Variants in LRRC3B observed in about 807,000 individuals in gnomAD.
LRRC3B encodes the protein leucine-rich repeat-containing protein 3B.
A neutral mutation model predicts 12.8 loss-of-function variants in LRRC3B; 2 were observed. The ratio of observed to expected loss-of-function variants is 0.16; its 90% confidence interval spans 0.06 to 0.49. The LOEUF is 0.49. Among genes scored for constraint, LRRC3B ranks in the 20% least tolerant of loss-of-function variants. LRRC3B has a pLI of 0.96. For missense variants in LRRC3B, 189 were observed against 319.4 expected (o/e 0.59, Z 3.11); for synonymous variants, 132 against 122.0 (o/e 1.08, Z -0.54).
At chr3:26,708,169 T>C (rs1013573132) in intron 1 of LRRC3B, among the ~76,000 whole-genome samples, 1 of 152,202 alleles carries the variant, frequency 6.6e-6, no homozygotes, top group Admixed American at 6.5e-5. Context: ...AGAAAGTTGT[T>C]TGTTGTCCAC....
At chr3:26,668,540 C>T (rs1196737583) in intron 1 of LRRC3B, among the ~76,000 whole-genome samples, 1 of 152,146 alleles carries the variant, frequency 6.6e-6, no homozygotes, top group African/African-American at 2.4e-5. Context: ...ATAGGTCCCC[C>T]AGGAACAAGG....
chr3:26,686,973 G>C (rs909067414), intron 1 of LRRC3B, among the ~76,000 whole-genome samples: 1 of 152,180 alleles, frequency 6.6e-6, no homozygotes, highest in South Asian at 2.1e-4. Context: ...CTCTGCCACA[G>C]AGACAATCCC....
intron 1 of LRRC3B, among the ~76,000 whole-genome samples, chr3:26,686,016 G>A (rs540207858): frequency 6.6e-6 from 1 of 152,194 alleles, no homozygotes; most frequent in Non-Finnish European, 1.5e-5. Flanking sequence ...AATAGACTCG[G>A]CCGTGGTATA....
chr3:26,684,423 A>C (rs1700031331), intron 1 of LRRC3B, among the ~76,000 whole-genome samples: 1 of 152,170 alleles, frequency 6.6e-6, no homozygotes, highest in African/African-American at 2.4e-5. Flanking sequence ...CCTTTCTGAC[A>C]ATTTCTGGTT....
chr3:26,635,045 C>T (rs764616622), intron 1 of LRRC3B, among the ~76,000 whole-genome samples: 11 of 152,222 alleles, frequency 7.2e-5, no homozygotes, highest in Non-Finnish European at 1.2e-4. Flanking sequence ...ACCTAACTTA[C>T]AGAAGCACAT....
At chr3:26,632,535 G>A (rs1214779828) in intron 1 of LRRC3B, among the ~76,000 whole-genome samples, 1 of 152,008 alleles carries the variant, frequency 6.6e-6, no homozygotes, top group Non-Finnish European at 1.5e-5. Flanking sequence ...ACAAGATGGT[G>A]GATCCCCGAG....
intron 1 of LRRC3B, among the ~76,000 whole-genome samples, chr3:26,684,581 G>A (rs1700033877): frequency 6.6e-6 from 1 of 152,162 alleles, no homozygotes; most frequent in Non-Finnish European, 1.5e-5. Flanking sequence ...CTGGCATCTT[G>A]CAAGGGCCCT....
At chr3:26,710,561 A>G (rs1700727992) in exon 2 of LRRC3B, 2 of 1,181,160 alleles carry the variant, frequency 1.7e-6, no homozygotes, top group Non-Finnish European at 2.3e-6. Flanking sequence ...TTTGTATTTC[A>G]GTTTCTTTTG....
intron 1 of LRRC3B, among the ~76,000 whole-genome samples, chr3:26,627,601 C>T (rs532578751): frequency 7.9e-5 from 12 of 152,246 alleles, no homozygotes; most frequent in African/African-American, 2.4e-4. Context: ...AGAGAGCCAA[C>T]GTGCACTAAG....
exon 2 of LRRC3B, chr3:26,709,726 A>T: frequency 3.1e-6 from 5 of 1,614,048 alleles, no homozygotes; most frequent in Non-Finnish European, 4.2e-6. Flanking sequence ...GTCTCCTCCT[A>T]CAAAGTTTTG....
At chr3:26,688,499 G>A (rs1311816930) in intron 1 of LRRC3B, among the ~76,000 whole-genome samples, 1 of 152,178 alleles carries the variant, frequency 6.6e-6, no homozygotes, top group African/African-American at 2.4e-5. Context: ...TGTACAGGAA[G>A]CATGATGCTG....
At chr3:26,639,821 T>C (rs1168364681) in intron 1 of LRRC3B, among the ~76,000 whole-genome samples, 2 of 152,172 alleles carry the variant, frequency 1.3e-5, no homozygotes, top group Non-Finnish European at 2.9e-5. Flanking sequence ...TCCAAAAATC[T>C]CCCCACCTTC....
chr3:26,691,942 G>T (rs1157297743), intron 1 of LRRC3B, among the ~76,000 whole-genome samples: 1 of 152,180 alleles, frequency 6.6e-6, no homozygotes, highest in East Asian at 1.9e-4. Flanking sequence ...TTCGTTTGTA[G>T]TTGTCTCTTT....
At chr3:26,654,310 G>A (rs991642584) in intron 1 of LRRC3B, among the ~76,000 whole-genome samples, 6 of 152,176 alleles carry the variant, frequency 3.9e-5, no homozygotes, top group African/African-American at 1.4e-4. Flanking sequence ...AGCATGTGTA[G>A]CAATGCTTCT....
intron 1 of LRRC3B, chr3:26,625,016 CT>C (rs879281924): frequency 2.6e-5 from 4 of 152,386 alleles, no homozygotes; most frequent in Non-Finnish European, 4.4e-5. Flanking sequence ...GTGCATGCTC[CT>C]CTCCCAGAGG....
intron 1 of LRRC3B, among the ~76,000 whole-genome samples, chr3:26,648,649 G>A (rs747231783): frequency 2.0e-5 from 3 of 152,076 alleles, no homozygotes; most frequent in Non-Finnish European, 4.4e-5. Context: ...TACCATATGG[G>A]CTCTCTTTGT....
chr3:26,710,423 G>T lies in LRRC3B; in HGVS notation c.751G>T (p.Glu251Ter). ...GCCAAGCAGGCAGAAGAAAGCAGAT[G>T]AACCTGATGATATTAGCACTGTGGT... Residue 251 changes from glutamate to a stop codon, truncating the protein, a stop_gained, in exon 2 of 2, where the codon GAA becomes TAA. Coordinates refer to ENST00000396641, the Ensembl canonical transcript of LRRC3B. LOFTEE classifies it high-confidence loss of function. The T allele has an allele frequency of 6.2e-7, 1 of 1,612,388 alleles. No homozygotes were observed. The highest frequency in any genetic ancestry group is 1.1e-5 in the South Asian group (1 of 90,804).
At chr3:26,690,318 G>C (rs955118270) in intron 1 of LRRC3B, among the ~76,000 whole-genome samples, 1 of 152,116 alleles carries the variant, frequency 6.6e-6, no homozygotes, top group Non-Finnish European at 1.5e-5. Context: ...TCCTCTGCTT[G>C]ACTTTCTTAG....
At chr3:26,643,605 G>A (rs1699080200) in intron 1 of LRRC3B, among the ~76,000 whole-genome samples, 2 of 152,138 alleles carry the variant, frequency 1.3e-5, no homozygotes, top group African/African-American at 4.8e-5. Flanking sequence ...CAGGAATTCT[G>A]TGATGCAATG....
Sources: gnomAD v4.1 joint callset for allele counts (sites outside exome capture counted in the v4.1 genomes callset) on GRCh38, gnomAD v4.1.1 for gene constraint, MANE v1.5 for transcripts, NCBI Gene and HGNC (gene_info 2026-07-23, HGNC 2026-07-21) for gene names.